The following GLS variants were observed in gnomAD, a reference collection of about 807,000 sequenced individuals.
GLS encodes glutaminase kidney isoform, mitochondrial.
In GLS, 36 loss-of-function variants were observed where a neutral mutation model predicts 86.7. The observed-to-expected ratio is 0.42, with a 90% confidence interval of 0.32 to 0.55. The LOEUF (loss-of-function observed/expected upper bound fraction) is 0.55. Among genes scored for constraint, GLS ranks in the 20% least tolerant of loss-of-function variants. The pLI, the probability that GLS is intolerant of heterozygous loss-of-function variation, is 0.17. For synonymous variants in GLS, 317 were observed against 305.9 expected (o/e 1.04, Z -0.38); for missense variants, 528 against 833.4 (o/e 0.63, Z 4.51).
chr2:190,920,018 T>G lies in GLS; in HGVS notation c.1039-1006T>G, dbSNP rs536669566. ...AAGAATGAACCTGGCTTTATTCAATTAAATAATTCTCTGGTACAGGTTTTC... is the reference window on the plus strand; with the variant it reads ...AAGAATGAACCTGGCTTTATTCAATGAAATAATTCTCTGGTACAGGTTTTC... On this transcript the variant is annotated intron_variant, in intron 7 of 17. Coordinates refer to ENST00000320717, the MANE Select transcript of GLS (RefSeq NM_014905.5). This position sits in a 1 kb window ranked among gnomAD's most constrained non-coding sequence, Gnocchi z 4.2. 6.6e-6 allele frequency: 1 copy of G among 152,090 alleles called. No individual in the cohort carries two copies. Among genetic ancestry groups the G allele is most frequent in the African/African-American group, 2.4e-5 (1 of 41,564 alleles). 9.4% of individuals were successfully genotyped at this position (152,090 alleles called of 1,614,324 possible).
At chr2:190,887,039 G>A (rs1011190892) in intron 1 of GLS, among the ~76,000 whole-genome samples, 1 of 152,128 alleles carries the variant, frequency 6.6e-6, no homozygotes, top group Non-Finnish European at 1.5e-5. Context: ...TTGTGTGAGG[G>A]AGCTCAATCA....
chr2:190,895,625 C>A lies in GLS; in HGVS notation c.505C>A (p.Arg169=), dbSNP rs770239676. Residue 169 remains arginine, a synonymous_variant, in exon 3 of 18, where the codon CGA becomes AGA. Coordinates refer to ENST00000320717, the MANE Select transcript of GLS (RefSeq NM_014905.5). The surrounding 1 kb of genome is among the most constrained non-coding windows in gnomAD (Gnocchi z 4.2). ...ACAGGCACTCAAATCTACAGGATTG[C>A]GAACGTCTGATCCCAGGTTGAAAGA... The part of the protein sequence containing the change: ...FITALKSTGL[R]TSDPRLKECM... The A allele has an allele frequency of 3.1e-6, 5 of 1,601,524 alleles. No individual in the cohort carries two copies. In the South Asian group the frequency reaches 5.6e-5, roughly 18 times the overall value.
chr2:190,958,480 T>A (rs1690916273), intron 17 of GLS, among the ~76,000 whole-genome samples: 2 of 152,168 alleles, frequency 1.3e-5, no homozygotes, highest in African/African-American at 4.8e-5. Context: ...TTGTTTGCTC[T>A]TGTTTCTCTA....
At position 190,880,872 on chromosome 2, in the gene GLS, C is replaced by CGCGCAGCAGCAGCA. The variant is rs1688111374; in HGVS notation, c.-211_-210insGCAGCAGCAGCAGC. 1 of 622,990 alleles carries CGCGCAGCAGCAGCA rather than the reference C, an allele frequency of 1.6e-6. No individual in the cohort carries two copies. The highest frequency in any genetic ancestry group is 2.7e-6 in the Non-Finnish European group (1 of 369,834). The allele number at this position is 622,990 out of a possible 1,614,324, so 38.6% of individuals were successfully genotyped here. ...AGAACCGGTCGCGGCAATCCTAGCG[C>CGCGCAGCAGCAGCA]GCAGCAGCAGCAGCAGCAGCAGCAG... On this transcript the variant is annotated 5_prime_UTR_variant, in exon 1 of 18. Transcript: ENST00000320717.
At chr2:190,940,261 G>A (rs769315562) in intron 14 of GLS, among the ~76,000 whole-genome samples, 24 of 151,958 alleles carry the variant, frequency 1.6e-4, no homozygotes, top group Non-Finnish European at 4.4e-5. Context: ...AATACTGTTT[G>A]AGATGAATAT....
At chr2:190,942,026 A>AT (rs1217032106) in intron 14 of GLS, among the ~76,000 whole-genome samples, 3 of 133,438 alleles carry the variant, frequency 2.2e-5, no homozygotes, top group African/African-American at 8.1e-5. Context: ...TATATTAAGA[A>AT]TTTTGGACTT....
At position 190,953,976 on chromosome 2, in the gene GLS, G is replaced by T. The variant is rs1007694775; in HGVS notation, c.1712+350G>T. Among the ~76,000 whole-genome samples, 1 of 151,568 alleles carries T rather than the reference G, an allele frequency of 6.6e-6. No homozygotes were observed. The highest frequency in any genetic ancestry group is 2.4e-5 in the African/African-American group (1 of 41,232). On this transcript the variant is annotated intron_variant, in intron 15 of 17. Coordinates refer to ENST00000320717, the MANE Select transcript of GLS (RefSeq NM_014905.5). This position sits in a 1 kb window ranked among gnomAD's most constrained non-coding sequence, Gnocchi z 4.0. The stretch of plus-strand genomic sequence containing the variant: ...TGTGTGTGTGTGTGTGTGTGTGTGT[G>T]TGTGTGTGTGTGTGTGTGTGAAGCA...
In GLS at chr2:190,921,786, A is replaced by T. The variant is rs1689746986; in HGVS notation, c.1130+583A>T. Among the ~76,000 whole-genome samples, 1 of 152,014 alleles carries T rather than the reference A, an allele frequency of 6.6e-6. No individual in the cohort carries two copies. Among genetic ancestry groups the T allele is most frequent in the African/African-American group, 2.4e-5 (1 of 41,440 alleles). On this transcript the variant is annotated intron_variant, in intron 9 of 17. Coordinates refer to ENST00000320717, the MANE Select transcript of GLS (RefSeq NM_014905.5). The surrounding 1 kb of genome is among the most constrained non-coding windows in gnomAD (Gnocchi z 4.2). Reference sequence around the variant, plus strand: ...CATTCTCCTACATAACCACAATACCATTAACACATGTAAGAACGTTAACGT... The same window carrying T: ...CATTCTCCTACATAACCACAATACCTTTAACACATGTAAGAACGTTAACGT...
At chr2:190,948,857 C>T (rs149693510) in intron 14 of GLS, among the ~76,000 whole-genome samples, 1 of 152,024 alleles carries the variant, frequency 6.6e-6, no homozygotes, top group Non-Finnish European at 1.5e-5. Context: ...GAATAGTATG[C>T]ACTGTGGGAG....
chr2:190,924,531 TG>T lies in GLS; in HGVS notation c.1198-10del. The T allele has an allele frequency of 2.0e-6, 3 of 1,528,860 alleles. No individual in the cohort carries two copies. The highest frequency in any genetic ancestry group is 2.7e-6 in the Non-Finnish European group (3 of 1,102,346). 94.7% of individuals were successfully genotyped at this position (1,528,860 alleles called of 1,614,324 possible). On this transcript the variant is annotated splice_polypyrimidine_tract_variant and intron_variant, in intron 10 of 17. Coordinates refer to ENST00000320717, the MANE Select transcript of GLS (RefSeq NM_014905.5). The surrounding 1 kb of genome is among the most constrained non-coding windows in gnomAD (Gnocchi z 5.2). ...GTGCCTGAATTTTTAATTGCCTTTC[TG>T]GTTTTTTTAGTGTTTTCCAGAAGGC...
chr2:190,902,534 C>G (rs1688982117), intron 5 of GLS, among the ~76,000 whole-genome samples: 1 of 152,124 alleles, frequency 6.6e-6, no homozygotes, highest in Non-Finnish European at 1.5e-5. Context: ...TTGGGAATTG[C>G]TTACATTGCA....
intron 12 of GLS, among the ~76,000 whole-genome samples, chr2:190,929,403 C>T (rs1334857586): frequency 2.0e-5 from 3 of 151,938 alleles, no homozygotes; most frequent in Non-Finnish European, 4.4e-5. Context: ...TTAGATGTAA[C>T]TGCTATAATT....
In GLS at chr2:190,938,082, A is replaced by G. The variant is rs10931476; in HGVS notation, c.1650+6445A>G. Among the ~76,000 whole-genome samples the G allele has an allele frequency of 0.23, 34,527 of 151,120 alleles. 4,178 individuals are homozygous for G. Among genetic ancestry groups the G allele is most frequent in the East Asian group, 0.46 (2,371 of 5,176 alleles). On this transcript the variant is annotated intron_variant, in intron 14 of 17. Transcript: ENST00000320717. The surrounding 1 kb of genome is among the most constrained non-coding windows in gnomAD (Gnocchi z 4.1). ...TTTTTTTAAAGAAAAATTATATACC[A>G]CATCTCAATGGCAAAGAATAATTCA...
chr2:190,931,339 A>G (rs1257013154), intron 13 of GLS, among the ~76,000 whole-genome samples: 1 of 152,138 alleles, frequency 6.6e-6, no homozygotes, highest in Non-Finnish European at 1.5e-5. Flanking sequence ...GCTGAGCCCT[A>G]GGATCATGTT....
intron 14 of GLS, among the ~76,000 whole-genome samples, chr2:190,950,794 T>TTG (rs1172849349): frequency 1.3e-5 from 2 of 152,126 alleles, no homozygotes; most frequent in Admixed American, 6.5e-5. Context: ...AGTGGGTGAA[T>TTG]TGTAGTGTCA....
At chr2:190,910,735 A>G (rs979740172) in intron 7 of GLS, among the ~76,000 whole-genome samples, 2 of 151,848 alleles carry the variant, frequency 1.3e-5, no homozygotes, top group Non-Finnish European at 2.9e-5. Flanking sequence ...GTGGGAACAA[A>G]TGTTCTGGTA....
intron 1 of GLS, among the ~76,000 whole-genome samples, chr2:190,892,328 T>C (rs1243570519): frequency 6.6e-6 from 1 of 152,178 alleles, no homozygotes; most frequent in Non-Finnish European, 1.5e-5. Flanking sequence ...AGGATTTTCC[T>C]TCAGATTATC....
In GLS at chr2:190,897,484, A is replaced by G. The variant is rs2124830418; in HGVS notation, c.605+1759A>G. 1.3e-5 allele frequency among the ~76,000 whole-genome samples: 2 copies of G among 152,340 alleles called. No individual in the cohort carries two copies. ...CCAATTTTTAAAAATCTATGCTTGT[A>G]ATACAGGCAGTTTCCAACTTGACAA... On this transcript the variant is annotated intron_variant, in intron 3 of 17. Transcript: ENST00000320717. This position sits in a 1 kb window ranked among gnomAD's most constrained non-coding sequence, Gnocchi z 4.3.
intron 14 of GLS, among the ~76,000 whole-genome samples, chr2:190,941,059 T>C (rs1047543477): frequency 1.3e-5 from 2 of 152,198 alleles, no homozygotes; most frequent in Non-Finnish European, 2.9e-5. Context: ...TCCTGTGCTT[T>C]ATTATTCACT....
Sources: allele counts gnomAD v4.1 joint callset (sites outside exome capture counted in the v4.1 genomes callset), GRCh38; gene constraint gnomAD v4.1.1; non-coding constraint Gnocchi (gnomAD v3.1); transcripts MANE v1.5; gene names NCBI Gene and HGNC (gene_info 2026-07-23, HGNC 2026-07-21).